CHD9: variants seen among roughly 807,000 people sequenced by gnomAD.
The protein encoded by CHD9 is ATP-dependent chromatin remodeler CHD9.
Under a neutral mutation model 316.1 loss-of-function variants are expected in CHD9, and 77 were observed. The observed-to-expected ratio is 0.24, with a 90% CI of 0.20 to 0.29. The LOEUF is 0.29. Among genes scored for constraint, CHD9 ranks in the 10% least tolerant of loss-of-function variants. CHD9 has a pLI of 1.00. For synonymous variants in CHD9, 1,129 were observed against 1,158.3 expected, an observed-to-expected ratio of 0.97 and a Z score of 0.51; for missense variants, 2,763 against 3,438.1, an observed-to-expected ratio of 0.80 and a Z score of 4.91.
At chr16:53,303,014 T>G (rs139262639) in intron 30 of CHD9, among the ~76,000 whole-genome samples, 11 of 152,338 alleles carry the variant, frequency 7.2e-5, no homozygotes, top group Admixed American at 7.2e-4. Context: ...AAGCCCTTGT[T>G]GCCCCTGTGA....
chr16:53,158,942 T>C (rs1001495784), intron 2 of CHD9, among the ~76,000 whole-genome samples: 1 of 152,156 alleles, frequency 6.6e-6, no homozygotes, highest in Non-Finnish European at 1.5e-5. Flanking sequence ...CAGTCTTAAG[T>C]GTTTTTATTA....
chr16:53,105,822 CTTTT>C (rs200467105), intron 1 of CHD9, among the ~76,000 whole-genome samples: 1 of 136,854 alleles, frequency 7.3e-6, no homozygotes. Context: ...ATGATAAGAA[CTTTT>C]TTTTTTTTTT....
At chr16:53,138,797 G>C (rs1285004902) in intron 1 of CHD9, among the ~76,000 whole-genome samples, 1 of 152,186 alleles carries the variant, frequency 6.6e-6, no homozygotes, top group African/African-American at 2.4e-5. Context: ...CAGAGTACAA[G>C]AAGTTAACAA....
At chr16:53,263,891 T>A (rs1374421420) in intron 20 of CHD9, among the ~76,000 whole-genome samples, 1 of 152,064 alleles carries the variant, frequency 6.6e-6, no homozygotes, top group East Asian at 1.9e-4. Flanking sequence ...AAACAAGTAG[T>A]GGGGTCTGCA....
At chr16:53,227,101 G>A in intron 5 of CHD9, 1 of 236,892 alleles carries the variant, frequency 4.2e-6, no homozygotes, top group African/African-American at 2.4e-5. Context: ...TCTGTAAAAT[G>A]GAAATGATAA....
intron 17 of CHD9, among the ~76,000 whole-genome samples, chr16:53,252,697 G>GAA (rs74199598): frequency 5.3e-4 from 41 of 76,792 alleles, no homozygotes; most frequent in Non-Finnish European, 9.7e-4. Context: ...ACTCAAATCA[G>GAA]AAAAAAAAAA....
chr16:53,302,005 C>T (rs2153077395), intron 30 of CHD9, among the ~76,000 whole-genome samples: 1 of 152,054 alleles, frequency 6.6e-6, no homozygotes, highest in Admixed American at 6.5e-5. Context: ...CCTCATGATC[C>T]ACCCGCCTCG....
At chr16:53,166,159 T>G (rs1597243974) in intron 2 of CHD9, among the ~76,000 whole-genome samples, 1 of 152,184 alleles carries the variant, frequency 6.6e-6, no homozygotes. Context: ...ACTGGGAAAT[T>G]ATAGAATATT....
At chr16:53,280,565 G>A (rs1315358712) in intron 24 of CHD9, among the ~76,000 whole-genome samples, 2 of 151,918 alleles carry the variant, frequency 1.3e-5, no homozygotes, top group Non-Finnish European at 2.9e-5. Flanking sequence ...TACAAATTGG[G>A]TGCGGTGTAT....
chr16:53,318,842 C>T (rs770417257), intron 37 of CHD9, among the ~76,000 whole-genome samples: 15 of 152,224 alleles, frequency 9.9e-5, no homozygotes, highest in Non-Finnish European at 1.9e-4. Flanking sequence ...GGACACCACT[C>T]ACATTATAGC....
Position 53,273,756 on chromosome 16 carries a change from C to A in CHD9, c.4848C>A (p.Tyr1616Ter). The A allele has an allele frequency of 6.2e-7, 1 of 1,612,286 alleles. No homozygotes were observed. The highest frequency in any genetic ancestry group is 1.7e-5 in the Admixed American group (1 of 59,636). ...AGCAGCTCCTTCAAGATGAAGGCTA[C>A]AAAAAACATATAAAACACCACTGTA... is the stretch of plus-strand genomic sequence containing the variant. ...NPEQLLQDEGYKKHIKHHCNK... is the reference protein window; with the variant it reads ...NPEQLLQDEG Residue 1616 changes from tyrosine (Y) to a stop codon, truncating the protein, a stop_gained, in exon 23 of 39, where the codon TAC (tyrosine) becomes TAA (stop). Transcript: ENST00000447540. LOFTEE classifies it high-confidence loss of function.
At chr16:53,311,442 T>C (rs1306505001) in intron 34 of CHD9, 2 of 152,154 alleles carry the variant, frequency 1.3e-5, no homozygotes, top group East Asian at 1.9e-4. Flanking sequence ...ACAATGTATA[T>C]AAAGTGGCCA....
At chr16:53,071,809 A>G (rs1303343010) in intron 1 of CHD9, among the ~76,000 whole-genome samples, 1 of 152,088 alleles carries the variant, frequency 6.6e-6, no homozygotes, top group Admixed American at 6.6e-5. Flanking sequence ...CTGAGGACAA[A>G]GGTGAGGGAA....
chr16:53,295,998 C>T (rs1432517551), intron 29 of CHD9, among the ~76,000 whole-genome samples: 1 of 152,150 alleles, frequency 6.6e-6, no homozygotes, highest in Non-Finnish European at 1.5e-5. Flanking sequence ...CAGTATAAGC[C>T]ATAACCTTGT....
intron 1 of CHD9, among the ~76,000 whole-genome samples, chr16:53,101,348 C>T (rs961951980): frequency 6.8e-6 from 1 of 147,820 alleles, no homozygotes; most frequent in African/African-American, 2.5e-5. Flanking sequence ...AATCACAGCT[C>T]ACTGCAGCCT....
chr16:53,175,965 T>C (rs2160796), intron 2 of CHD9, among the ~76,000 whole-genome samples: 47,264 of 152,092 alleles, frequency 0.31, 7,508 homozygotes, highest in Middle Eastern at 0.39. Flanking sequence ...CCCATACTAC[T>C]GTCTGTCGCC....
intron 38 of CHD9, among the ~76,000 whole-genome samples, chr16:53,321,920 A>G (rs1476146551): frequency 1.3e-5 from 2 of 152,002 alleles, no homozygotes; most frequent in East Asian, 3.9e-4. Flanking sequence ...TCATCATGAT[A>G]TACTAGTAAA....
At chr16:53,105,912 T>C (rs932270888) in intron 1 of CHD9, among the ~76,000 whole-genome samples, 9 of 151,320 alleles carry the variant, frequency 5.9e-5, no homozygotes, top group African/African-American at 2.2e-4. Flanking sequence ...AGCCTCCGCG[T>C]CCTGGGTTCA....
intron 1 of CHD9, among the ~76,000 whole-genome samples, chr16:53,095,400 G>T (rs1223361380): frequency 6.6e-6 from 1 of 151,546 alleles, no homozygotes; most frequent in Non-Finnish European, 1.5e-5. Context: ...TTTTTAAAAT[G>T]TAGCTGGGCG....
Sources: gnomAD v4.1 joint callset for allele counts (sites outside exome capture counted in the v4.1 genomes callset) on GRCh38, gnomAD v4.1.1 for gene constraint, MANE v1.5 for transcripts, NCBI Gene and HGNC (gene_info 2026-07-23, HGNC 2026-07-21) for gene names.